The following MYO6 variants were observed in gnomAD, a reference collection of about 807,000 sequenced individuals.
MYO6 encodes unconventional myosin-VI.
Under a neutral mutation model 178.7 loss-of-function variants are expected in MYO6, and 74 were observed. The ratio of observed to expected loss-of-function variants is 0.41; its 90% CI spans 0.34 to 0.50. MYO6 has a LOEUF of 0.50. MYO6 is among the 20% of genes least tolerant of loss of function. The pLI is 0.09. For synonymous variants in MYO6, 477 were observed against 504.6 expected (o/e 0.95, Z 0.73); for missense variants, 1,330 against 1,547.4 (o/e 0.86, Z 2.36).
At chr6:75,907,816 G>GTA in intron 31 of MYO6, 108 bp downstream of exon 31, 2 of 776,338 alleles carry the variant, frequency 2.6e-6, no homozygotes, top group African/African-American at 1.7e-5. Context: ...GTGTGTGTGT[G>GTA]TATGTGTGTA....
At chr6:75,826,540 T>A (rs1772488630) in intron 3 of MYO6, among the ~76,000 whole-genome samples, 1 of 152,016 alleles carries the variant, frequency 6.6e-6, no homozygotes, top group African/African-American at 2.4e-5. Context: ...CAGAGGAAAG[T>A]GAGAGAGATG....
At chr6:75,911,377 GT>G (rs1780744815) in intron 32 of MYO6, among the ~76,000 whole-genome samples, 1 of 151,752 alleles carries the variant, frequency 6.6e-6, no homozygotes, top group South Asian at 2.1e-4. Context: ...ATTGTATTAG[GT>G]TTTTGTTTGG....
chr6:75,892,984 A>G (rs1285720557), intron 28 of MYO6, among the ~76,000 whole-genome samples: 1 of 152,182 alleles, frequency 6.6e-6, no homozygotes, highest in Non-Finnish European at 1.5e-5. Context: ...AGAGTATAGT[A>G]TATTAGGTAG....
chr6:75,857,111 T>C lies in MYO6; in HGVS notation c.1238T>C (p.Val413Ala). 1.2e-6 allele frequency: 2 copies of C among 1,614,008 alleles called. No homozygotes were observed. The highest frequency in any genetic ancestry group is 1.7e-6 in the Non-Finnish European group (2 of 1,179,918). ...TTCTTTTATAGGGTACCTCTGAAAG[T>C]GGAGCAAGCAAACAATGCTCGTGAT... ...KGTVIKVPLKVEQANNARDAL... is the reference protein window; with the variant it reads ...KGTVIKVPLKAEQANNARDAL... The change falls in exon 13 of 35, where the codon GTG becomes GCG. Residue 413 changes from valine (V) to alanine (A), a missense_variant. Around this residue, in one of 3 missense-constraint regions of MYO6, gnomAD observed 613 missense variants for 816.8 expected, o/e 0.75. Coordinates refer to ENST00000369977, the MANE Select transcript of MYO6 (RefSeq NM_004999.4).
chr6:75,765,500 C>T (rs374848000), intron 1 of MYO6, among the ~76,000 whole-genome samples: 24 of 151,948 alleles, frequency 1.6e-4, no homozygotes, highest in African/African-American at 5.3e-4. Context: ...TCTTTTTGTG[C>T]TATAATATAA....
intron 1 of MYO6, among the ~76,000 whole-genome samples, chr6:75,787,686 CTCTCTCT>C (rs1562157769): frequency 1.9e-3 from 33 of 17,166 alleles, no homozygotes; most frequent in Non-Finnish European, 2.8e-3. Context: ...TTCTCTCTCT[CTCTCTCT>C]CTCTCTCTCT....
At chr6:75,885,430 G>A (rs1778351487) in intron 23 of MYO6, among the ~76,000 whole-genome samples, 1 of 152,066 alleles carries the variant, frequency 6.6e-6, no homozygotes, top group African/African-American at 2.4e-5. Flanking sequence ...CACCTACTCA[G>A]GAGGCTGAGG....
intron 23 of MYO6, among the ~76,000 whole-genome samples, chr6:75,884,574 T>C (rs1778282711): frequency 6.6e-6 from 1 of 152,210 alleles, no homozygotes; most frequent in African/African-American, 2.4e-5. Context: ...GAGACAGTAA[T>C]TAATGTAGAG....
At chr6:75,913,986 G>A in intron 33 of MYO6, 77 bp from the exon 34 acceptor site, 2 of 1,266,316 alleles carry the variant, frequency 1.6e-6, no homozygotes, top group South Asian at 1.3e-5. Flanking sequence ...AAAAATTATT[G>A]GGGTATATTT....
chr6:75,915,144 G>A lies in MYO6; in HGVS notation c.*132G>A, dbSNP rs1781055017. ...AAGTGAACAGATTTTATTAATCACGGCTTTTGGTGAATTTGTTTAAGGTTA... is the reference window on the plus strand; with the variant it reads ...AAGTGAACAGATTTTATTAATCACGACTTTTGGTGAATTTGTTTAAGGTTA... On this transcript the variant is annotated 3_prime_UTR_variant, in exon 35 of 35. Coordinates refer to ENST00000369977, the MANE Select transcript of MYO6 (RefSeq NM_004999.4). 3 of 947,000 alleles carry A rather than the reference G, an allele frequency of 3.2e-6. No homozygotes were observed. The highest frequency in any genetic ancestry group is 4.8e-6 in the Non-Finnish European group (3 of 621,988). 58.7% of individuals were successfully genotyped at this position (947,000 alleles called of 1,614,324 possible).
At chr6:75,911,651 A>G in intron 32 of MYO6, 21 bp from the exon 33 acceptor site, 2 of 1,606,266 alleles carry the variant, frequency 1.2e-6, no homozygotes, top group Non-Finnish European at 1.7e-6. Context: ...CTTTTCTTCA[A>G]CATAAAATAT....
At chr6:75,859,955 C>G (rs867627111) in intron 14 of MYO6, among the ~76,000 whole-genome samples, 1 of 152,164 alleles carries the variant, frequency 6.6e-6, no homozygotes, top group Non-Finnish European at 1.5e-5. Flanking sequence ...CCATCATGCC[C>G]GACTGTAGCT....
At chr6:75,894,511 G>T (rs1383114755) in intron 28 of MYO6, among the ~76,000 whole-genome samples, 3 of 152,212 alleles carry the variant, frequency 2.0e-5, no homozygotes, top group South Asian at 4.1e-4. Flanking sequence ...CTTCCCTTCT[G>T]GTCGTCGTGG....
chr6:75,850,107 CA>C (rs1210192679), intron 11 of MYO6, among the ~76,000 whole-genome samples: 3 of 151,996 alleles, frequency 2.0e-5, no homozygotes, highest in Non-Finnish European at 4.4e-5. Context: ...ATTTTAAGCA[CA>C]TATCTTTAAT....
chr6:75,894,126 T>A (rs777660114), intron 28 of MYO6, among the ~76,000 whole-genome samples: 4 of 152,214 alleles, frequency 2.6e-5, no homozygotes, highest in Non-Finnish European at 5.9e-5. Context: ...GTACTCATCA[T>A]CAAGCTTTAT....
intron 18 of MYO6, among the ~76,000 whole-genome samples, chr6:75,870,406 A>G (rs966573682): frequency 4.6e-5 from 7 of 152,112 alleles, no homozygotes; most frequent in African/African-American, 1.2e-4. Context: ...TAATATTGCT[A>G]ATTTTCAGTC....
In MYO6 at chr6:75,892,693, AC is replaced by A; in HGVS notation, c.3107+4del. The stretch of plus-strand genomic sequence containing the variant: ...CAGGCCGACCTGGCGCTGCGGAGGT[AC>A]TGGGGCCCCTGGGTGGGGTATAGCG... On this transcript the variant is annotated splice_donor_region_variant and intron_variant, in intron 28 of 34. Transcript: ENST00000369977. 1 of 1,611,954 alleles carries A rather than the reference AC, an allele frequency of 6.2e-7. No homozygotes were observed. Among genetic ancestry groups the A allele is most frequent in the Non-Finnish European group, 8.5e-7 (1 of 1,179,828 alleles).
At chr6:75,792,453 C>G (rs1329417915) in intron 1 of MYO6, among the ~76,000 whole-genome samples, 1 of 152,110 alleles carries the variant, frequency 6.6e-6, no homozygotes, top group Non-Finnish European at 1.5e-5. Context: ...CTAAAGATCC[C>G]ATTTATTTTT....
At chr6:75,879,689 A>T (rs1777859932) in intron 20 of MYO6, 131 bp from the exon 21 acceptor site, 1 of 1,237,126 alleles carries the variant, frequency 8.1e-7, no homozygotes, top group East Asian at 2.4e-5. Context: ...TTTCCTATAT[A>T]ATATTTAGTT....
Sources: allele counts gnomAD v4.1 joint callset (sites outside exome capture counted in the v4.1 genomes callset), GRCh38; gene constraint gnomAD v4.1.1; regional missense constraint gnomAD v4.1.1; transcripts MANE v1.5; gene names NCBI Gene and HGNC (gene_info 2026-07-23, HGNC 2026-07-21).